The following EPB41L5 variants were observed in gnomAD, a reference collection of about 807,000 sequenced individuals.
EPB41L5 encodes the protein erythrocyte membrane protein band 4.1 like 5, also known as band 4.1-like protein 5.
A neutral mutation model predicts 106.6 loss-of-function variants in EPB41L5; 55 were observed. The ratio of observed to expected loss-of-function variants is 0.52; its 90% confidence interval spans 0.42 to 0.65. EPB41L5 has a LOEUF of 0.65. Among genes scored for constraint, EPB41L5 ranks in the 30% least tolerant of loss-of-function variants. The pLI, the probability that EPB41L5 is intolerant of heterozygous loss-of-function variation, is 0.00. For missense variants in EPB41L5, 871 were observed against 882.1 expected (o/e 0.99, Z 0.16); for synonymous variants, 297 against 306.7 (o/e 0.97, Z 0.33).
intron 16 of EPB41L5, among the ~76,000 whole-genome samples, chr2:120,120,109 A>G (rs940630758): frequency 3.9e-5 from 6 of 152,122 alleles, no homozygotes; most frequent in Admixed American, 6.5e-5. Flanking sequence ...AAAAACTTCA[A>G]TTGTCTGAGA....
At chr2:120,129,417 A>G (rs1685602734) in intron 17 of EPB41L5, among the ~76,000 whole-genome samples, 1 of 152,318 alleles carries the variant, frequency 6.6e-6, no homozygotes, top group East Asian at 1.9e-4. Flanking sequence ...GACCATAGCA[A>G]AGCCATCAGG....
intron 3 of EPB41L5, among the ~76,000 whole-genome samples, chr2:120,058,376 A>G (rs1362211669): frequency 2.0e-5 from 3 of 152,068 alleles, no homozygotes; most frequent in Non-Finnish European, 4.4e-5. Context: ...AATTTTGTAG[A>G]GACTGCCCAG....
intron 3 of EPB41L5, among the ~76,000 whole-genome samples, chr2:120,047,819 A>G (rs1250918142): frequency 1.3e-5 from 2 of 152,158 alleles, no homozygotes; most frequent in Admixed American, 6.5e-5. Flanking sequence ...AGCTCTTATT[A>G]TTTTGAGATA....
chr2:120,106,494 A>G, intron 16 of EPB41L5: 2 of 985,240 alleles, frequency 2.0e-6, no homozygotes, highest in Non-Finnish European at 2.4e-6. Flanking sequence ...ATTATGCCTA[A>G]AGAGTCAGTG....
At chr2:120,105,042 A>G in intron 16 of EPB41L5, 1 of 984,518 alleles carries the variant, frequency 1.0e-6, no homozygotes, top group Non-Finnish European at 1.2e-6. Flanking sequence ...CACCTGACAG[A>G]TTACCCAGGT....
intron 2 of EPB41L5, among the ~76,000 whole-genome samples, chr2:120,040,345 A>G (rs148600720): frequency 1.3e-5 from 2 of 152,312 alleles, no homozygotes; most frequent in Non-Finnish European, 2.9e-5. Flanking sequence ...GAAAATTGAG[A>G]TTGACATCAC....
intron 3 of EPB41L5, among the ~76,000 whole-genome samples, chr2:120,047,334 T>C (rs1367611326): frequency 2.6e-5 from 4 of 152,174 alleles, no homozygotes; most frequent in East Asian, 1.9e-4. Context: ...TCTTTTATTT[T>C]GTTGAGCAGT....
intron 2 of EPB41L5, among the ~76,000 whole-genome samples, chr2:120,040,310 G>A (rs1012821308): frequency 6.6e-6 from 1 of 152,132 alleles, no homozygotes; most frequent in Non-Finnish European, 1.5e-5. Flanking sequence ...GAGTCTAAAA[G>A]TGAACAAGTA....
intron 3 of EPB41L5, among the ~76,000 whole-genome samples, chr2:120,067,620 T>C (rs1681532753): frequency 6.6e-6 from 1 of 152,222 alleles, no homozygotes; most frequent in East Asian, 1.9e-4. Context: ...ATAGTCACAA[T>C]GTTAACATTT....
At chr2:120,174,092 T>G (rs1226891385) in intron 24 of EPB41L5, among the ~76,000 whole-genome samples, 1 of 152,170 alleles carries the variant, frequency 6.6e-6, no homozygotes. Context: ...CATGAGGGCT[T>G]CTTTTTCACA....
At chr2:120,151,531 A>T (rs983222576) in intron 20 of EPB41L5, among the ~76,000 whole-genome samples, 1 of 152,038 alleles carries the variant, frequency 6.6e-6, no homozygotes, top group African/African-American at 2.4e-5. Flanking sequence ...AAAACTACAA[A>T]ACACCACTGA....
intron 24 of EPB41L5, among the ~76,000 whole-genome samples, chr2:120,170,756 C>A (rs1402795613): frequency 1.3e-5 from 2 of 152,172 alleles, no homozygotes; most frequent in Non-Finnish European, 2.9e-5. Context: ...AGATGGAGAT[C>A]TTTGGGGTTC....
intron 24 of EPB41L5, among the ~76,000 whole-genome samples, chr2:120,173,130 A>G (rs1197551567): frequency 6.6e-6 from 1 of 152,248 alleles, no homozygotes; most frequent in African/African-American, 2.4e-5. Flanking sequence ...TATTCAGTCC[A>G]GGGAAAATAA....
rs545456624 is a variant in EPB41L5 at position 120,119,097 on chromosome 2, A to AT, written c.1338-8581dup. On this transcript the variant is annotated intron_variant, in intron 16 of 24. Coordinates refer to ENST00000263713, the MANE Select transcript of EPB41L5 (RefSeq NM_020909.4). ...TTCTCTAATGATCAGTGATGTTGAG[A>AT]TTTTTTTTTTATGTTTGTTGGCCGC... 4.3e-4 allele frequency among the ~76,000 whole-genome samples: 65 copies of AT among 149,846 alleles called. No individual in the cohort carries two copies. In the East Asian group the frequency reaches 9.2e-3, roughly 21 times the overall value.
chr2:120,069,306 C>T (rs1681692713), intron 3 of EPB41L5, among the ~76,000 whole-genome samples: 1 of 152,090 alleles, frequency 6.6e-6, no homozygotes, highest in Non-Finnish European at 1.5e-5. Flanking sequence ...AATAGGAGCA[C>T]CCAGATTCAT....
chr2:120,084,619 G>C (rs537762927), intron 10 of EPB41L5, among the ~76,000 whole-genome samples: 3 of 152,158 alleles, frequency 2.0e-5, no homozygotes, highest in South Asian at 2.1e-4. Context: ...TTGCTCTTCT[G>C]GAGGAGTATC....
chr2:120,174,301 A>T (rs1687834185), intron 24 of EPB41L5, among the ~76,000 whole-genome samples: 2 of 152,174 alleles, frequency 1.3e-5, no homozygotes. Flanking sequence ...ACAGAAAAAT[A>T]CAAAAATTAG....
At chr2:120,166,898 AT>A (rs1402126813) in intron 22 of EPB41L5, among the ~76,000 whole-genome samples, 1 of 152,256 alleles carries the variant, frequency 6.6e-6, no homozygotes, top group African/African-American at 2.4e-5. Context: ...ATGACCTATA[AT>A]AGAAAGTTAA....
intron 13 of EPB41L5, among the ~76,000 whole-genome samples, chr2:120,091,953 T>C (rs570577673): frequency 6.6e-6 from 1 of 152,144 alleles, no homozygotes; most frequent in Non-Finnish European, 1.5e-5. Context: ...CCTTTTTGAC[T>C]TACAGATCTC....
Sources: gnomAD v4.1 joint callset for allele counts (sites outside exome capture counted in the v4.1 genomes callset) on GRCh38, gnomAD v4.1.1 for gene constraint, MANE v1.5 for transcripts, NCBI Gene and HGNC (gene_info 2026-07-23, HGNC 2026-07-21) for gene names.